Variants in GAREM1 observed in about 807,000 individuals in gnomAD.
GAREM1 encodes GRB2-associated and regulator of MAPK protein 1.
A neutral mutation model predicts 71.3 loss-of-function variants in GAREM1; 26 were observed. The ratio of observed to expected loss-of-function variants is 0.36; its 90% confidence interval spans 0.27 to 0.51. The LOEUF is 0.51. Among genes scored for constraint, GAREM1 ranks in the 20% least tolerant of loss-of-function variants. GAREM1 has a pLI of 0.95. For missense variants in GAREM1, 1,026 were observed against 1,103.1 expected (o/e 0.93, Z 0.99); for synonymous variants, 440 against 433.2 (o/e 1.02, Z -0.20).
Position 32,267,742 on chromosome 18 carries a change from G to T in GAREM1, c.*129C>A. On this transcript the variant is annotated 3_prime_UTR_variant, in exon 6 of 6. Transcript: ENST00000269209. The stretch of plus-strand genomic sequence containing the variant: ...ACCATTCAAAAACGTAATCTGCATA[G>T]TAAGAGTTTCTCTTATCCCTATTTA... The T allele has an allele frequency of 1.4e-6, 1 of 690,984 alleles. No homozygotes were observed. The highest frequency in any genetic ancestry group is 2.4e-6 in the Non-Finnish European group (1 of 415,088). 42.8% of individuals were successfully genotyped at this position (690,984 alleles called of 1,614,324 possible). A position where few individuals can be genotyped will look rare whatever the true frequency, so the allele number is the denominator to read the frequency against.
chr18:32,371,853 T>C (rs559476287), intron 2 of GAREM1, among the ~76,000 whole-genome samples: 46 of 152,104 alleles, frequency 3.0e-4, no homozygotes, highest in African/African-American at 1.1e-3. Flanking sequence ...TTAAATGCAG[T>C]AGAAAGGCCC....
At chr18:32,272,627 C>CTT (rs549844914) in intron 4 of GAREM1, among the ~76,000 whole-genome samples, 1 of 144,052 alleles carries the variant, frequency 6.9e-6, no homozygotes, top group Admixed American at 6.9e-5. Context: ...ATTCTGGGGT[C>CTT]TTTTTTTTTT....
At chr18:32,392,234 C>T (rs2048208858) in intron 2 of GAREM1, among the ~76,000 whole-genome samples, 1 of 151,346 alleles carries the variant, frequency 6.6e-6, no homozygotes, top group South Asian at 2.1e-4. Context: ...TATAAGCTAT[C>T]ACTATTTAAA....
chr18:32,390,171 A>AAAAC (rs1301494395), intron 2 of GAREM1, among the ~76,000 whole-genome samples: 1 of 152,282 alleles, frequency 6.6e-6, no homozygotes, highest in South Asian at 2.1e-4. Context: ...ACCTTGTTTC[A>AAAAC]AAACAAACAA....
chr18:32,299,540 G>T (rs1017601866), intron 3 of GAREM1, among the ~76,000 whole-genome samples: 1 of 146,790 alleles, frequency 6.8e-6, no homozygotes, highest in Non-Finnish European at 1.5e-5. Flanking sequence ...AAAAAAAGTG[G>T]CTATATCTAA....
chr18:32,299,536 A>AAAAAT (rs2047179727), intron 3 of GAREM1, among the ~76,000 whole-genome samples: 1 of 148,362 alleles, frequency 6.7e-6, no homozygotes, highest in African/African-American at 2.5e-5. Context: ...AAAAAAAAAA[A>AAAAAT]GTGGCTATAT....
chr18:32,365,010 A>G (rs2047916292), intron 2 of GAREM1, among the ~76,000 whole-genome samples: 1 of 152,160 alleles, frequency 6.6e-6, no homozygotes, highest in Non-Finnish European at 1.5e-5. Context: ...CAGAGTGGTG[A>G]GTGGCAAAGC....
intron 1 of GAREM1, among the ~76,000 whole-genome samples, chr18:32,437,086 T>C (rs1188621864): frequency 6.6e-6 from 1 of 152,158 alleles, no homozygotes; most frequent in Non-Finnish European, 1.5e-5. Flanking sequence ...TAGACCACTA[T>C]AATGACATAC....
chr18:32,382,402 G>C (rs1426675326), intron 2 of GAREM1, among the ~76,000 whole-genome samples: 1 of 152,018 alleles, frequency 6.6e-6, no homozygotes, highest in Admixed American at 6.6e-5. Context: ...TCTCTATTGG[G>C]TGGTGGCTAT....
At position 32,288,725 on chromosome 18, in the gene GAREM1, CTAAAGA is replaced by C. The variant is rs1196769741; in HGVS notation, c.394-528_394-523del. Among the ~76,000 whole-genome samples the C allele has an allele frequency of 3.9e-5, 6 of 151,988 alleles. No homozygotes were observed. The South Asian group carries it at 8.3e-4, about 21-fold the overall frequency. On this transcript the variant is annotated intron_variant, in intron 3 of 5. Coordinates refer to ENST00000269209, the MANE Select transcript of GAREM1 (RefSeq NM_001242409.2). ...GAAGAACTTCTATACTATCTTATCA[CTAAAGA>C]TAATCTGTCAAATATAAATAGAAAA...
At chr18:32,468,357 A>G (rs983522851) in intron 1 of GAREM1, among the ~76,000 whole-genome samples, 1 of 152,230 alleles carries the variant, frequency 6.6e-6, no homozygotes, top group Non-Finnish European at 1.5e-5. Flanking sequence ...AAAATATTTA[A>G]ATGAGATGGG....
chr18:32,451,464 C>T (rs2048840079), intron 1 of GAREM1, among the ~76,000 whole-genome samples: 1 of 152,168 alleles, frequency 6.6e-6, no homozygotes, highest in South Asian at 2.1e-4. Context: ...GCTTCTCTAT[C>T]TCTGATAAGG....
chr18:32,342,710 A>G (rs1420402160), intron 2 of GAREM1, among the ~76,000 whole-genome samples: 1 of 152,192 alleles, frequency 6.6e-6, no homozygotes, highest in African/African-American at 2.4e-5. Context: ...CCCCTTATAC[A>G]TACAAATTGA....
chr18:32,309,615 CAAAAAAAAAAAAA>C (rs11370938), intron 3 of GAREM1, among the ~76,000 whole-genome samples: 7 of 13,864 alleles, frequency 5.0e-4, no homozygotes, highest in Non-Finnish European at 9.1e-4. Context: ...GACTCAGTCT[CAAAAAAAAAAAAA>C]AAAAAAAAAA....
intron 2 of GAREM1, among the ~76,000 whole-genome samples, chr18:32,381,077 T>G (rs1248608005): frequency 6.6e-6 from 1 of 151,928 alleles, no homozygotes; most frequent in Non-Finnish European, 1.5e-5. Flanking sequence ...CTATCAAATC[T>G]TTATGGTATC....
At chr18:32,289,398 C>T (rs2047057190) in intron 3 of GAREM1, among the ~76,000 whole-genome samples, 1 of 152,156 alleles carries the variant, frequency 6.6e-6, no homozygotes, top group Non-Finnish European at 1.5e-5. Flanking sequence ...GTAAAGCATG[C>T]ATGCTGAATA....
At chr18:32,408,581 GA>G (rs1381905601) in intron 1 of GAREM1, among the ~76,000 whole-genome samples, 1 of 152,144 alleles carries the variant, frequency 6.6e-6, no homozygotes, top group East Asian at 1.9e-4. Context: ...GAGTACAACA[GA>G]AAGGGAAAGC....
intron 2 of GAREM1, among the ~76,000 whole-genome samples, chr18:32,364,011 TATA>T (rs1567980632): frequency 3.3e-4 from 19 of 57,550 alleles, no homozygotes; most frequent in Admixed American, 5.0e-4. Context: ...TATATATATA[TATA>T]TATATATATA....
intron 2 of GAREM1, among the ~76,000 whole-genome samples, chr18:32,389,405 C>A (rs937457040): frequency 5.9e-5 from 9 of 152,112 alleles, no homozygotes; most frequent in African/African-American, 1.9e-4. Flanking sequence ...TCGATCTTCA[C>A]AATTACCCTA....
Sources: allele counts gnomAD v4.1 joint callset (sites outside exome capture counted in the v4.1 genomes callset), GRCh38; gene constraint gnomAD v4.1.1; transcripts MANE v1.5; gene names NCBI Gene and HGNC (gene_info 2026-07-23, HGNC 2026-07-21).